MSH5: variants seen among roughly 807,000 people sequenced by gnomAD.
MSH5 encodes mutS homolog 5.
A neutral mutation model predicts 107.7 loss-of-function variants in MSH5; 78 were observed. That is an observed-to-expected ratio of 0.72 (90% CI 0.60 to 0.87). The LOEUF (loss-of-function observed/expected upper bound fraction) is 0.87, where lower values mean the gene tolerates loss of function less well. Ranked by LOEUF, MSH5 falls within the 40% of genes least tolerant of loss-of-function variation. The pLI, the probability that MSH5 is intolerant of heterozygous loss-of-function variation, is 0.00. For synonymous variants in MSH5, 326 were observed against 399.5 expected, an observed-to-expected ratio of 0.82 and a Z score of 2.19; for missense variants, 889 against 1,046.6, an observed-to-expected ratio of 0.85 and a Z score of 2.08.
rs1306227971 is a variant in MSH5, at chr6:31,741,073, T to G, written c.148-90T>G. On this transcript the variant is annotated intron_variant, in intron 2 of 24. Coordinates refer to ENST00000375750, the MANE Select transcript of MSH5 (RefSeq NM_172166.4). ...GGGTGATGATGCCTATCTCAGAGAT[T>G]TGAGAAAATGATTAAATTATATAAG... 3 of 1,497,704 alleles carry G rather than the reference T, an allele frequency of 2.0e-6. No homozygotes were observed. The East Asian group carries it at 7.0e-5, about 35-fold the overall frequency. The allele number at this position is 1,497,704 out of a possible 1,614,324, so 92.8% of individuals were successfully genotyped here. A position where few individuals can be genotyped will look rare whatever the true frequency, so the allele number is the denominator to read the frequency against.
At position 31,761,521 on chromosome 6, in the gene MSH5, G is replaced by T; in HGVS notation, c.2087G>T (p.Arg696Leu). Residue 696 changes from arginine (R) to leucine (L), a missense_variant, in exon 22 of 25, where the codon CGT becomes CTT. Physicochemically the swap from Arg to Leu is moderately radical, Grantham distance 102. This residue lies in a region of MSH5 where 362 missense variants were observed against 456.2 expected (regional missense o/e 0.79). Coordinates refer to ENST00000375750, the MANE Select transcript of MSH5 (RefSeq NM_172166.4). This position sits in a 1 kb window ranked among gnomAD's most constrained non-coding sequence, Gnocchi z 5.3. ...GCTGTGCTCCGACACTGGCTGGCAC[G>T]TGGACCCACATGCCCCCACATCTTT... is the stretch of plus-strand genomic sequence containing the variant. ...LAAVLRHWLA[R>L]GPTCPHIFVA... 1 of 1,613,732 alleles carries T rather than the reference G, an allele frequency of 6.2e-7. No homozygotes were observed. The highest frequency in any genetic ancestry group is 1.1e-5 in the South Asian group (1 of 91,080).
At chr6:31,741,380 C>T (rs905078747) in intron 3 of MSH5, 94 bp downstream of exon 3, 1 of 846,678 alleles carries the variant, frequency 1.2e-6, no homozygotes, top group South Asian at 2.1e-5. Context: ...CACACACACA[C>T]ACATATTTTT....
rs1356890243 is a variant in MSH5 at position 31,760,659 on chromosome 6, G to A, written c.1813-31G>A. The A allele has an allele frequency of 1.2e-6, 2 of 1,612,294 alleles. No homozygotes were observed. Among genetic ancestry groups the A allele is most frequent in the South Asian group, 1.1e-5 (1 of 91,060 alleles). On this transcript the variant is annotated intron_variant, in intron 19 of 24. Coordinates refer to ENST00000375750, the MANE Select transcript of MSH5 (RefSeq NM_172166.4). The surrounding 1 kb of genome is among the most constrained non-coding windows in gnomAD (Gnocchi z 5.6). ...ACTTTCACCTCAGCCCACGGCACCAGGCCCCAGGCCCTGTCTCCTTCCCTA... is the reference window on the plus strand; with the variant it reads ...ACTTTCACCTCAGCCCACGGCACCAAGCCCCAGGCCCTGTCTCCTTCCCTA...
rs1219493009 is a variant in MSH5 at position 31,745,346 on chromosome 6, C to T, written c.766+27C>T. 5 of 1,530,808 alleles carry T rather than the reference C, an allele frequency of 3.3e-6. No homozygotes were observed. In the South Asian group the frequency reaches 4.5e-5, roughly 14 times the overall value. 94.8% of individuals were successfully genotyped at this position (1,530,808 alleles called of 1,614,324 possible). ...TAGGTGTGCCCCATCCCTCATCTCACATTACAAAGACCTACCAGAAAAGCA... is the reference window on the plus strand; with the variant it reads ...TAGGTGTGCCCCATCCCTCATCTCATATTACAAAGACCTACCAGAAAAGCA... On this transcript the variant is annotated intron_variant, in intron 9 of 24. Transcript: ENST00000375750.
chr6:31,758,190 G>C lies in MSH5; in HGVS notation c.1040G>C (p.Arg347Thr), dbSNP rs1379130675. 2.5e-6 allele frequency: 4 copies of C among 1,613,024 alleles called. No homozygotes were observed. The highest frequency in any genetic ancestry group is 1.1e-5 in the South Asian group (1 of 91,088). ...YKTVYSALGL[R>T]DACRSLPQSI... ...ACTGTGTACAGTGCCCTGGGCCTGA[G>C]GGATGCCTGCCGCTCCCTGCCGCAG... The change falls in exon 13 of 25, where the codon AGG (arginine) becomes ACG (threonine). Residue 347 changes from arginine to threonine, a missense_variant. Physicochemically the swap from Arg to Thr is moderately conservative, Grantham distance 71 (BLOSUM62 -1). This residue lies in a region of MSH5 where 518 missense variants were observed against 565.0 expected (regional missense o/e 0.92). Transcript: ENST00000375750. The surrounding 1 kb of genome is among the most constrained non-coding windows in gnomAD (Gnocchi z 5.1).
In MSH5 at chr6:31,758,113, C is replaced by T. The variant is rs557175989; in HGVS notation, c.1015-52C>T. The T allele has an allele frequency of 1.2e-6, 2 of 1,609,750 alleles. No homozygotes were observed. Among genetic ancestry groups the T allele is most frequent in the Admixed American group, 1.7e-5 (1 of 59,946 alleles). ...TCTTCTGAGTCTGTCCCTATCACCA[C>T]CTCAACCCGAGCTGGATGTGGCCTG... On this transcript the variant is annotated intron_variant, in intron 12 of 24. Transcript: ENST00000375750. The surrounding 1 kb of genome is among the most constrained non-coding windows in gnomAD (Gnocchi z 5.1).
At chr6:31,757,677 T>G in intron 12 of MSH5, 1 of 160,628 alleles carries the variant, frequency 6.2e-6, no homozygotes, top group Non-Finnish European at 1.4e-5. Flanking sequence ...CTTTTTTTGT[T>G]TATTTGTTTT....
chr6:31,752,384 C>T (rs533235948), intron 10 of MSH5, among the ~76,000 whole-genome samples: 2 of 145,716 alleles, frequency 1.4e-5, no homozygotes, highest in South Asian at 2.2e-4. Context: ...CTAGCCTGGG[C>T]GACAGAGCAA....
At chr6:31,744,115 G>A (rs2151337396) in intron 6 of MSH5, 75 bp from the exon 7 acceptor site, 1 of 1,594,580 alleles carries the variant, frequency 6.3e-7, no homozygotes, top group Non-Finnish European at 8.5e-7. Context: ...CTGGAAAATA[G>A]TAACTTTCCC....
intron 12 of MSH5, chr6:31,757,735 C>T (rs1242168630): frequency 4.9e-6 from 1 of 202,586 alleles, no homozygotes; most frequent in Non-Finnish European, 9.9e-6. Flanking sequence ...AGTGCAATGG[C>T]GTGATCTGGC....
intron 12 of MSH5, 104 bp downstream of exon 12, chr6:31,753,733 C>CTT (rs373471152): frequency 3.2e-3 from 2,739 of 851,342 alleles, no homozygotes; most frequent in Middle Eastern, 4.3e-3. Flanking sequence ...ATTCTACCCT[C>CTT]TTTTTTTTTT....
rs1408766372 is a variant in MSH5, at chr6:31,742,925, A to T, written c.320A>T (p.Asp107Val). Residue 107 changes from aspartate to valine, a missense_variant, in exon 4 of 25, where the codon GAT becomes GTT. Around this residue, in one of 3 missense-constraint regions of MSH5, gnomAD observed 518 missense variants for 565.0 expected, o/e 0.92. Transcript: ENST00000375750. Reference sequence around the variant, plus strand: ...TCTGTTGTTACGAGTGCCAAACAGGATGAGAATATGACTCGATTTCTGGGA... The same window carrying T: ...TCTGTTGTTACGAGTGCCAAACAGGTTGAGAATATGACTCGATTTCTGGGA... ...PQSVVTSAKQ[D>V]ENMTRFLGKL... 6.2e-7 allele frequency: 1 copy of T among 1,613,044 alleles called. No homozygotes were observed. Among genetic ancestry groups the T allele is most frequent in the South Asian group, 1.1e-5 (1 of 91,076 alleles).
At chr6:31,753,166 G>A in intron 10 of MSH5, 135 bp from the exon 11 acceptor site, 2 of 1,107,826 alleles carry the variant, frequency 1.8e-6, no homozygotes, top group Non-Finnish European at 2.6e-6. Flanking sequence ...CACTGCACTT[G>A]CCACTACATT....
chr6:31,756,620 AATTGCTTGAT>A (rs1810465033), intron 12 of MSH5: 1 of 151,966 alleles, frequency 6.6e-6, no homozygotes, highest in Non-Finnish European at 1.5e-5. Flanking sequence ...AAATACAGAA[AATTGCTTGAT>A]ATTTCCCCCA....
intron 12 of MSH5, chr6:31,753,865 A>G (rs962440577): frequency 4.5e-5 from 21 of 469,270 alleles, no homozygotes; most frequent in Non-Finnish European, 7.8e-5. Flanking sequence ...AGTTGGGATT[A>G]CAAGCGCCCG....
rs1047385328 is a variant in MSH5, at chr6:31,760,293, C to T, written c.1812+77C>T. On this transcript the variant is annotated intron_variant, in intron 19 of 24. Coordinates refer to ENST00000375750, the MANE Select transcript of MSH5 (RefSeq NM_172166.4). This position sits in a 1 kb window ranked among gnomAD's most constrained non-coding sequence, Gnocchi z 5.6. Reference sequence around the variant, plus strand: ...ACCCCTACTTGCCAGCCAACTCAGGCTCCTGCAGCTCTTCTCCCATTTTCT... The same window carrying T: ...ACCCCTACTTGCCAGCCAACTCAGGTTCCTGCAGCTCTTCTCCCATTTTCT... 17 of 1,503,430 alleles carry T rather than the reference C, an allele frequency of 1.1e-5. No individual in the cohort carries two copies. The highest frequency in any genetic ancestry group is 1.4e-5 in the Non-Finnish European group (16 of 1,128,150). 93.1% of individuals were successfully genotyped at this position (1,503,430 alleles called of 1,614,324 possible). A position where few individuals can be genotyped will look rare whatever the true frequency, so the allele number is the denominator to read the frequency against.
chr6:31,761,629 T>C lies in MSH5; in HGVS notation c.2181+14T>C. On this transcript the variant is annotated intron_variant, in intron 22 of 24. Coordinates refer to ENST00000375750, the MANE Select transcript of MSH5 (RefSeq NM_172166.4). This position sits in a 1 kb window ranked among gnomAD's most constrained non-coding sequence, Gnocchi z 5.3. ...GTGCAGTATTTGGTGAGGAGACCAA[T>C]CTAGCTCCTCGGGGACCCCCAGGCT... 6.2e-7 allele frequency: 1 copy of C among 1,614,056 alleles called. No homozygotes were observed. The highest frequency in any genetic ancestry group is 8.5e-7 in the Non-Finnish European group (1 of 1,180,024).
At chr6:31,749,799 A>G (rs1287964051) in intron 10 of MSH5, among the ~76,000 whole-genome samples, 1 of 152,192 alleles carries the variant, frequency 6.6e-6, no homozygotes, top group African/African-American at 2.4e-5. Flanking sequence ...AGTAGCACTC[A>G]ATGTGTGAAC....
Position 31,760,161 on chromosome 6 carries a change from G to A in MSH5, c.1757G>A (p.Arg586Lys). Residue 586 changes from arginine (R) to lysine (K), a missense_variant, in exon 19 of 25, where the codon AGG (arginine) becomes AAG (lysine). Arg to Lys is a conservative substitution (Grantham distance 26). This residue lies in a region of MSH5 where 362 missense variants were observed against 456.2 expected (regional missense o/e 0.79). Coordinates refer to ENST00000375750, the MANE Select transcript of MSH5 (RefSeq NM_172166.4). The surrounding 1 kb of genome is among the most constrained non-coding windows in gnomAD (Gnocchi z 5.6). The stretch of plus-strand genomic sequence containing the variant: ...ACAGAATGTGGTGGGGACAAAGGGA[G>A]GGTCAAAGTCATCACTGGACCCAAC... ...NSTECGGDKG[R>K]VKVITGPNSS... 3 of 1,611,850 alleles carry A rather than the reference G, an allele frequency of 1.9e-6. No individual in the cohort carries two copies. The highest frequency in any genetic ancestry group is 2.5e-6 in the Non-Finnish European group (3 of 1,178,962).
Sources: gnomAD v4.1 joint callset for allele counts (sites outside exome capture counted in the v4.1 genomes callset) on GRCh38, gnomAD v4.1.1 for gene constraint, gnomAD v4.1.1 regional missense constraint, Gnocchi (gnomAD v3.1) non-coding constraint, MANE v1.5 for transcripts, NCBI Gene and HGNC (gene_info 2026-07-23, HGNC 2026-07-21) for gene names.